The following LONRF3 variants were observed in gnomAD, a reference collection of about 807,000 sequenced individuals.
LONRF3 encodes the protein LON peptidase N-terminal domain and ring finger 3, also known as LON peptidase N-terminal domain and RING finger protein 3.
In LONRF3, 19 loss-of-function variants were observed where a neutral mutation model predicts 51.7. The ratio of observed to expected loss-of-function variants is 0.37; its 90% CI spans 0.26 to 0.54. The LOEUF is 0.54. Among genes scored for constraint, LONRF3 ranks in the 20% least tolerant of loss-of-function variants. The probability of loss-of-function intolerance (pLI) is 0.86; values close to 1 mark genes in which losing one functional copy is unlikely to be tolerated. For missense variants in LONRF3, 521 were observed against 623.9 expected (o/e 0.84, Z 1.76); for synonymous variants, 265 against 257.8 (o/e 1.03, Z -0.27).
intron 5 of LONRF3, among the ~76,000 whole-genome samples, chrX:118,997,352 A>C (rs1016025129): frequency 1.8e-5 from 2 of 112,302 alleles, no homozygotes; most frequent in African/African-American, 6.5e-5. Context: ...AACAAAGCAA[A>C]CAAAAACACA....
At position 118,980,987 on chromosome X, in the gene LONRF3, C is replaced by T. The variant is rs773521252; in HGVS notation, c.937-1834C>T. Among the ~76,000 whole-genome samples the T allele has an allele frequency of 9.8e-5, 11 of 111,879 alleles. No homozygotes were observed. In the South Asian group the frequency reaches 1.1e-3, roughly 11 times the overall value. ...TATTTTCTTGGAGGTTAAGAGAAGACGAACTGATGCCTATAATTCAAAACC... is the reference window on the plus strand; with the variant it reads ...TATTTTCTTGGAGGTTAAGAGAAGATGAACTGATGCCTATAATTCAAAACC... On this transcript the variant is annotated intron_variant, in intron 2 of 10. Coordinates refer to ENST00000371628, the MANE Select transcript of LONRF3 (RefSeq NM_001031855.3).
At chrX:119,009,034 A>G in intron 6 of LONRF3, 92 bp from the exon 7 acceptor site, 1 of 786,089 alleles carries the variant, frequency 1.3e-6, no homozygotes, top group Non-Finnish European at 1.8e-6. Context: ...TATGTGGGTC[A>G]TTTGACTTGT....
rs746332931 is a variant in LONRF3 at position 118,975,158 on chromosome X, G to C, written c.378G>C (p.Pro126=). The C allele has an allele frequency of 4.3e-6, 5 of 1,171,790 alleles. No homozygotes were observed. The highest frequency in any genetic ancestry group is 5.7e-6 in the Non-Finnish European group (5 of 875,926). The change falls in exon 1 of 11, where the codon CCG becomes CCC. Residue 126 remains proline, a synonymous_variant. Coordinates refer to ENST00000371628, the MANE Select transcript of LONRF3 (RefSeq NM_001031855.3). ...PQGEALAPAP[P]DEGSTASGTV... is the part of the protein sequence containing the mutation. ...GCGAGGCGCTGGCGCCGGCGCCCCC[G>C]GACGAGGGTAGCACTGCAAGCGGCA...
chrX:118,974,987 C>T lies in LONRF3; in HGVS notation c.207C>T (p.Val69=). 2 of 1,174,666 alleles carry T rather than the reference C, an allele frequency of 1.7e-6. No homozygotes were observed. The highest frequency in any genetic ancestry group is 1.9e-5 in the South Asian group (1 of 53,072). Residue 69 remains valine (V), a synonymous_variant, in exon 1 of 11, where the codon GTC becomes GTT. Coordinates refer to ENST00000371628, the MANE Select transcript of LONRF3 (RefSeq NM_001031855.3). ...GGACCTCAACGCCGGAGAGCAAAGTCCTGCTCACGCAGGCAGACGCCTTGG... is the reference window on the plus strand; with the variant it reads ...GGACCTCAACGCCGGAGAGCAAAGTTCTGCTCACGCAGGCAGACGCCTTGG... ...SPGTSTPESK[V]LLTQADALAS...
chrX:118,993,542 A>C (rs1287966761), intron 5 of LONRF3, among the ~76,000 whole-genome samples: 2 of 111,891 alleles, frequency 1.8e-5, no homozygotes, highest in Non-Finnish European at 3.8e-5. Context: ...TAAACCACCA[A>C]ACCTAATAAT....
At chrX:118,986,712 G>C (rs895966769) in intron 3 of LONRF3, among the ~76,000 whole-genome samples, 9 of 111,600 alleles carry the variant, frequency 8.1e-5, no homozygotes, top group Non-Finnish European at 1.5e-4. Flanking sequence ...GTACAAAGTA[G>C]AGACCTAGAT....
chrX:119,009,058 C>G lies in LONRF3; in HGVS notation c.1531-68C>G, dbSNP rs1207811322. On this transcript the variant is annotated intron_variant, in intron 6 of 10. Transcript: ENST00000371628. ...CATTTGACTTGTTCACTGATTACAT[C>G]AGAAGTGTTTTGCTGATTGCTACGT... 4.0e-6 allele frequency: 4 copies of G among 991,103 alleles called. No homozygotes were observed. In the Admixed American group the frequency reaches 9.9e-5, roughly 25 times the overall value. 81.7% of individuals were successfully genotyped at this position (991,103 alleles called of 1,213,427 possible).
intron 10 of LONRF3, 50 bp from the exon 11 acceptor site, chrX:119,017,485 G>A (rs1391182061): frequency 8.7e-7 from 1 of 1,153,290 alleles, no homozygotes. Context: ...TCTGCAGACT[G>A]ATGTTCTTGG....
At chrX:118,981,979 G>A (rs987579135) in intron 2 of LONRF3, among the ~76,000 whole-genome samples, 3 of 111,726 alleles carry the variant, frequency 2.7e-5, no homozygotes, top group Non-Finnish European at 5.7e-5. Context: ...TTCAAGCCAA[G>A]TTGCTAGTGT....
In LONRF3 at chrX:119,009,139, G is replaced by A. The variant is rs1280586556; in HGVS notation, c.1544G>A (p.Arg515Lys). 1.7e-6 allele frequency: 2 copies of A among 1,207,725 alleles called. No homozygotes were observed. The highest frequency in any genetic ancestry group is 3.5e-5 in the African/African-American group (2 of 56,968). Reference protein sequence around the residue: ...KDGLSQCLASRKYSKNVIMEE... With the variant: ...KDGLSQCLASKKYSKNVIMEE... ...CCCCCCATGTAGTGCTTGGCATCAA[G>A]AAAATACAGCAAAAATGTAATAATG... The change falls in exon 7 of 11, where the codon AGA becomes AAA. Residue 515 changes from arginine to lysine, a missense_variant. This residue lies in a region of LONRF3 where 145 missense variants were observed against 247.2 expected (regional missense o/e 0.59). Transcript: ENST00000371628.
intron 1 of LONRF3, among the ~76,000 whole-genome samples, chrX:118,977,818 A>T (rs1922202330): frequency 8.9e-6 from 1 of 112,037 alleles, no homozygotes; most frequent in South Asian, 3.7e-4. Flanking sequence ...GGACCATGTA[A>T]ATGTATTTCC....
intron 3 of LONRF3, among the ~76,000 whole-genome samples, chrX:118,988,046 G>A (rs2147276604): frequency 9.0e-6 from 1 of 111,427 alleles, no homozygotes; most frequent in South Asian, 3.8e-4. Context: ...CTCCAAGGCA[G>A]AGTTTAGCAC....
At chrX:118,981,884 G>GT (rs1481682342) in intron 2 of LONRF3, among the ~76,000 whole-genome samples, 1 of 111,907 alleles carries the variant, frequency 8.9e-6, no homozygotes, top group African/African-American at 3.2e-5. Context: ...CATTCACTAA[G>GT]TTAGGCTTAG....
intron 3 of LONRF3, among the ~76,000 whole-genome samples, chrX:118,987,403 G>T (rs933748485): frequency 2.9e-5 from 3 of 103,496 alleles, no homozygotes; most frequent in Non-Finnish European, 5.9e-5. Context: ...TCAGCCTCCC[G>T]AGTAGCTGGG....
At chrX:118,987,452 T>TTTG (rs1923082956) in intron 3 of LONRF3, among the ~76,000 whole-genome samples, 1 of 84,654 alleles carries the variant, frequency 1.2e-5, no homozygotes, top group African/African-American at 4.4e-5. Flanking sequence ...TAAGTTTTTT[T>TTTG]TTTTTTTTTT....
At chrX:119,012,375 G>T (rs138968527) in intron 8 of LONRF3, among the ~76,000 whole-genome samples, 4 of 110,419 alleles carry the variant, frequency 3.6e-5, no homozygotes, top group African/African-American at 1.3e-4. Flanking sequence ...TTGCTTGGAA[G>T]ATTGGTGAGT....
chrX:118,983,627 C>T (rs5910469), intron 3 of LONRF3, among the ~76,000 whole-genome samples: 41,609 of 111,108 alleles, frequency 0.37, 5,654 homozygotes, highest in South Asian at 0.5. Flanking sequence ...GACTTTGTTG[C>T]TTATTGTTCT....
chrX:119,014,423 A>T, intron 10 of LONRF3, 67 bp downstream of exon 10: 1 of 1,005,877 alleles, frequency 9.9e-7, no homozygotes, highest in Non-Finnish European at 1.4e-6. Context: ...GTTTGTGATT[A>T]GATGGGTATG....
In LONRF3 at chrX:119,011,914, T is replaced by C. The variant is rs1001375074; in HGVS notation, c.1752T>C (p.Arg584=). The C allele has an allele frequency of 6.6e-6, 8 of 1,210,136 alleles. No homozygotes were observed. Among genetic ancestry groups the C allele is most frequent in the Non-Finnish European group, 7.8e-6 (7 of 895,232 alleles). ...AGCCTTGTTACCGCCTGATGATTCG[T>C]AGATGCATTGAGACAGGCACGAGAC... ...IFEPCYRLMI[R]RCIETGTRQF... The change falls in exon 8 of 11, where the codon CGT becomes CGC. Residue 584 remains arginine, a synonymous_variant. Coordinates refer to ENST00000371628, the MANE Select transcript of LONRF3 (RefSeq NM_001031855.3).
Sources: gnomAD v4.1 joint callset for allele counts (sites outside exome capture counted in the v4.1 genomes callset) on GRCh38, gnomAD v4.1.1 for gene constraint, gnomAD v4.1.1 regional missense constraint, MANE v1.5 for transcripts, NCBI Gene and HGNC (gene_info 2026-07-23, HGNC 2026-07-21) for gene names.